TAS2R1: variants seen among roughly 807,000 people sequenced by gnomAD.
TAS2R1 encodes the protein taste 2 receptor member 1.
For synonymous variants in TAS2R1, 141 were observed against 134.2 expected (o/e 1.05, Z -0.35); for missense variants, 370 against 353.4 (o/e 1.05, Z -0.38).
the TAS2R1 span, among the ~76,000 whole-genome samples, chr5:9,717,743 C>T: frequency 6.6e-6 from 1 of 151,930 alleles, no homozygotes; most frequent in African/African-American, 2.4e-5. Flanking sequence ...CCGTCAAACC[C>T]TACATAAGAA....
the TAS2R1 span, among the ~76,000 whole-genome samples, chr5:9,812,203 C>T: frequency 6.6e-6 from 1 of 151,970 alleles, no homozygotes; most frequent in African/African-American, 2.4e-5. Context: ...TACTACATCC[C>T]CAGTACCTGG....
At chr5:9,764,633 A>T in the TAS2R1 span, among the ~76,000 whole-genome samples, 1 of 152,204 alleles carries the variant, frequency 6.6e-6, no homozygotes, top group African/African-American at 2.4e-5. Context: ...ATATGTAAAC[A>T]TTGTCACCCT....
At chr5:9,853,626 C>G in the TAS2R1 span, among the ~76,000 whole-genome samples, 1 of 152,130 alleles carries the variant, frequency 6.6e-6, no homozygotes, top group Non-Finnish European at 1.5e-5. Flanking sequence ...AGTCCCACCT[C>G]CTACCTCAAC....
intron 1 of TAS2R1, among the ~76,000 whole-genome samples, chr5:9,707,368 G>C (rs1232168912): frequency 6.6e-6 from 1 of 152,102 alleles, no homozygotes; most frequent in African/African-American, 2.4e-5. Flanking sequence ...CATCATCCAG[G>C]ACTCTCAATG....
chr5:9,785,115 C>G, the TAS2R1 span, among the ~76,000 whole-genome samples: 1 of 152,126 alleles, frequency 6.6e-6, no homozygotes, highest in South Asian at 2.1e-4. Flanking sequence ...CTTACATGCC[C>G]TTTTCACCAT....
chr5:9,871,542 G>T, the TAS2R1 span, among the ~76,000 whole-genome samples: 1 of 152,176 alleles, frequency 6.6e-6, no homozygotes, highest in Admixed American at 6.5e-5. Flanking sequence ...AGCAATCACA[G>T]AGTTTCTCCT....
At chr5:9,719,601 C>T in the TAS2R1 span, among the ~76,000 whole-genome samples, 1 of 152,196 alleles carries the variant, frequency 6.6e-6, no homozygotes, top group Non-Finnish European at 1.5e-5. Context: ...AGTGGCAGCA[C>T]TGGACTCTTC....
At chr5:9,756,904 A>C in the TAS2R1 span, among the ~76,000 whole-genome samples, 2 of 152,188 alleles carry the variant, frequency 1.3e-5, no homozygotes, top group African/African-American at 4.8e-5. Flanking sequence ...GCTCATAAAG[A>C]ACCTTAGTTC....
the TAS2R1 span, among the ~76,000 whole-genome samples, chr5:9,849,056 CT>C: frequency 6.6e-6 from 1 of 152,210 alleles, no homozygotes; most frequent in Non-Finnish European, 1.5e-5. Context: ...ATGTGAGGAG[CT>C]GGGAGGAACC....
At chr5:9,813,638 A>G in the TAS2R1 span, among the ~76,000 whole-genome samples, 3 of 152,252 alleles carry the variant, frequency 2.0e-5, no homozygotes, top group Non-Finnish European at 2.9e-5. Flanking sequence ...TCTTTGTTAC[A>G]GTATAGATTC....
chr5:9,707,948 CAG>C (rs1424061858), intron 1 of TAS2R1, among the ~76,000 whole-genome samples: 6 of 152,236 alleles, frequency 3.9e-5, no homozygotes, highest in South Asian at 2.1e-4. Flanking sequence ...TTCTTCTCAC[CAG>C]AGTTTCTGGA....
At chr5:9,843,914 G>C in the TAS2R1 span, among the ~76,000 whole-genome samples, 1 of 152,204 alleles carries the variant, frequency 6.6e-6, no homozygotes, top group Non-Finnish European at 1.5e-5. Flanking sequence ...AGAGCCTTTT[G>C]TTGGCTGTCT....
chr5:9,798,068 G>A, the TAS2R1 span, among the ~76,000 whole-genome samples: 3 of 152,288 alleles, frequency 2.0e-5, no homozygotes, highest in South Asian at 6.2e-4. Flanking sequence ...TAATAAAAGG[G>A]AACGAGAACA....
the TAS2R1 span, among the ~76,000 whole-genome samples, chr5:9,721,984 G>C: frequency 1.3e-5 from 2 of 152,176 alleles, no homozygotes; most frequent in African/African-American, 2.4e-5. Flanking sequence ...TAGGTGGCCA[G>C]ACCAGTAACT....
At chr5:9,902,370 A>G in the TAS2R1 span, among the ~76,000 whole-genome samples, 2 of 152,102 alleles carry the variant, frequency 1.3e-5, no homozygotes, top group South Asian at 4.2e-4. Flanking sequence ...TGGAAGCAGA[A>G]TCCCTGTAGA....
the TAS2R1 span, among the ~76,000 whole-genome samples, chr5:9,743,068 TA>T: frequency 0.32 from 46,532 of 146,322 alleles, 7,973 homozygotes; most frequent in East Asian, 0.43. Context: ...AATAGGTGAT[TA>T]AAAAAAAAAA....
At chr5:9,750,458 C>A in the TAS2R1 span, among the ~76,000 whole-genome samples, 8 of 152,140 alleles carry the variant, frequency 5.3e-5, no homozygotes, top group Admixed American at 5.2e-4. Context: ...TTGAAATCAT[C>A]GACCAGAATT....
At chr5:9,711,026 G>A (rs571708117) in intron 1 of TAS2R1, among the ~76,000 whole-genome samples, 49 of 149,576 alleles carry the variant, frequency 3.3e-4, no homozygotes, top group East Asian at 1.4e-3. Context: ...GTCAGAATGC[G>A]GAGAATAGAA....
At chr5:9,715,289 C>T (rs945948260), upstream of TAS2R1, among the ~76,000 whole-genome samples, 2 of 152,154 alleles carry the variant, frequency 1.3e-5, no homozygotes, top group Non-Finnish European at 2.9e-5. Context: ...AGGAGCAGTG[C>T]ACCATAAAAG....
Sources: gnomAD v4.1 joint callset for allele counts (sites outside exome capture counted in the v4.1 genomes callset) on GRCh38, gnomAD v4.1.1 for gene constraint, MANE v1.5 for transcripts, NCBI Gene and HGNC (gene_info 2026-07-23, HGNC 2026-07-21) for gene names.